Variants in WDR64 observed in about 807,000 individuals in gnomAD.
WDR64 encodes the protein WD repeat domain 64.
Under a neutral mutation model 139.3 loss-of-function variants are expected in WDR64, and 112 were observed. The ratio of observed to expected loss-of-function variants is 0.80; its 90% CI spans 0.69 to 0.94. The LOEUF is 0.94. WDR64 is among the 40% of genes least tolerant of loss of function. The pLI is 0.00. For synonymous variants in WDR64, 444 were observed against 437.7 expected (o/e 1.01, Z -0.18); for missense variants, 1,206 against 1,293.1 (o/e 0.93, Z 1.03).
intron 15 of WDR64, among the ~76,000 whole-genome samples, chr1:241,763,798 T>A (rs1447113790): frequency 6.6e-6 from 1 of 152,194 alleles, no homozygotes; most frequent in Non-Finnish European, 1.5e-5. Context: ...CACTTTTTAT[T>A]GAATACCTGC....
rs757312182 is a variant in WDR64, at chr1:241,796,360, A to G, written c.3182A>G (p.Gln1061Arg). Residue 1061 changes from glutamine (Q) to arginine (R), a missense_variant, in exon 27 of 28, where the codon CAA (glutamine) becomes CGA (arginine). By Grantham distance (43) the Gln-to-Arg change is conservative. Coordinates refer to ENST00000437684, the MANE Select transcript of WDR64 (RefSeq NM_001367482.1). ...ITGKKKGGHVQREKAPRRRSL... is the reference protein window; with the variant it reads ...ITGKKKGGHVRREKAPRRRSL... ...GGAAAGAAGAAGGGAGGTCATGTTC[A>G]ACGTGAAAAAGTAAGTTAGTACTAA... The G allele has an allele frequency of 1.6e-5, 25 of 1,611,484 alleles. No individual in the cohort carries two copies. The highest frequency in any genetic ancestry group is 2.1e-5 in the Non-Finnish European group (25 of 1,178,280).
intron 27 of WDR64, among the ~76,000 whole-genome samples, chr1:241,799,847 T>C (rs1005261792): frequency 6.6e-6 from 1 of 152,148 alleles, no homozygotes; most frequent in African/African-American, 2.4e-5. Flanking sequence ...ACTGATGTAA[T>C]TTTTTTCATA....
chr1:241,751,826 A>G (rs1444414238), intron 14 of WDR64, among the ~76,000 whole-genome samples: 2 of 152,188 alleles, frequency 1.3e-5, no homozygotes, highest in Non-Finnish European at 2.9e-5. Context: ...TTCATAGAAA[A>G]CAAGAGAAGA....
At chr1:241,705,261 G>A (rs1227400717) in intron 8 of WDR64, among the ~76,000 whole-genome samples, 1 of 152,086 alleles carries the variant, frequency 6.6e-6, no homozygotes, top group African/African-American at 2.4e-5. Flanking sequence ...CAAGGTCTTG[G>A]CCGGGCGGGG....
At chr1:241,777,216 G>C (rs937738547) in intron 21 of WDR64, among the ~76,000 whole-genome samples, 3 of 151,268 alleles carry the variant, frequency 2.0e-5, no homozygotes, top group African/African-American at 4.9e-5. Flanking sequence ...TCAGCCTCCT[G>C]AGTAGCTAAG....
chr1:241,672,193 C>T (rs1666259476), intron 3 of WDR64, among the ~76,000 whole-genome samples: 1 of 152,042 alleles, frequency 6.6e-6, no homozygotes, highest in Non-Finnish European at 1.5e-5. Context: ...AAACAAAGCA[C>T]CTGGAAGGCT....
At chr1:241,770,468 C>A in intron 17 of WDR64, 153 bp from the exon 18 acceptor site, 1 of 588,172 alleles carries the variant, frequency 1.7e-6, no homozygotes, top group South Asian at 2.7e-5. Context: ...ATTTATTACA[C>A]AGAATATAAG....
intron 3 of WDR64, among the ~76,000 whole-genome samples, chr1:241,673,026 T>G (rs1014330416): frequency 1.3e-5 from 2 of 152,174 alleles, no homozygotes; most frequent in East Asian, 3.8e-4. Flanking sequence ...TACTAGTTCA[T>G]GTCCTTTGTA....
Position 241,796,364 on chromosome 1 carries a change from T to TG in WDR64, c.3187dup (p.Glu1063GlyfsTer80). ...AGAAGAAGGGAGGTCATGTTCAACG[T>TG]GAAAAAGTAAGTTAGTACTAATTCC... On this transcript the variant is annotated frameshift_variant, in exon 27 of 28. Coordinates refer to ENST00000437684, the MANE Select transcript of WDR64 (RefSeq NM_001367482.1). LOFTEE classifies it high-confidence loss of function. 1.2e-6 allele frequency: 2 copies of TG among 1,609,926 alleles called. No homozygotes were observed. The highest frequency in any genetic ancestry group is 1.7e-5 in the Admixed American group (1 of 59,878).
rs116400417 is a variant in WDR64 at position 241,773,440 on chromosome 1, T to C, written c.2430+509T>C. On this transcript the variant is annotated intron_variant, in intron 20 of 27. Coordinates refer to ENST00000437684, the MANE Select transcript of WDR64 (RefSeq NM_001367482.1). ...ATCTATTGAGCCTGCTTATAATTCT[T>C]TTATTTGGGGAGAGGAGGGCATTAG... is the stretch of plus-strand genomic sequence containing the variant. 6.7e-3 allele frequency among the ~76,000 whole-genome samples: 1,014 copies of C among 152,252 alleles called. 12 individuals are homozygous for C. The highest frequency in any genetic ancestry group is 0.023 in the African/African-American group (969 of 41,548).
At chr1:241,766,488 G>A (rs538614195) in intron 16 of WDR64, 137 bp downstream of exon 16, 2 of 968,280 alleles carry the variant, frequency 2.1e-6, no homozygotes, top group East Asian at 2.7e-5. Context: ...ATCACTTAAG[G>A]CCAGGAGTTC....
intron 23 of WDR64, among the ~76,000 whole-genome samples, chr1:241,786,575 T>C (rs754219772): frequency 2.6e-5 from 4 of 152,130 alleles, no homozygotes; most frequent in Non-Finnish European, 5.9e-5. Context: ...CAGAACTCAG[T>C]TGTAAAAATT....
intron 2 of WDR64, among the ~76,000 whole-genome samples, chr1:241,666,374 T>A (rs1331131661): frequency 6.6e-6 from 1 of 152,218 alleles, no homozygotes; most frequent in East Asian, 1.9e-4. Flanking sequence ...TTATCTGGTA[T>A]AATACCCAAA....
At chr1:241,712,979 A>G (rs185654070) in intron 9 of WDR64, among the ~76,000 whole-genome samples, 2 of 151,956 alleles carry the variant, frequency 1.3e-5, no homozygotes, top group East Asian at 1.9e-4. Flanking sequence ...AAAGTCCTCA[A>G]TACAAATTTG....
chr1:241,794,483 C>CCACA, intron 25 of WDR64, among the ~76,000 whole-genome samples: 1 of 150,424 alleles, frequency 6.6e-6, no homozygotes, highest in East Asian at 1.9e-4. Flanking sequence ...ATTGAATGCC[C>CCACA]CACATATTTT....
At chr1:241,711,693 A>T (rs752647055) in intron 8 of WDR64, 109 bp from the exon 9 acceptor site, 296 of 1,135,492 alleles carry the variant, frequency 2.6e-4, no homozygotes, top group Non-Finnish European at 3.7e-4. Context: ...GGGCAAATGG[A>T]TTTACAACCA....
Position 241,749,624 on chromosome 1 carries a change from G to A in WDR64, c.1672G>A (p.Glu558Lys), listed in dbSNP as rs1669903743. Residue 558 changes from glutamate to lysine, a missense_variant, in exon 14 of 28, where the codon GAG becomes AAG. Physicochemically the swap from Glu to Lys is moderately conservative, Grantham distance 56. Coordinates refer to ENST00000437684, the MANE Select transcript of WDR64 (RefSeq NM_001367482.1). The part of the protein sequence containing the change: ...LPEGKDWKED[E>K]HCLRRLIFLK... Reference sequence around the variant, plus strand: ...GGAGGGGAAAGACTGGAAGGAGGACGAGCACTGCCTACGACGCCTCATTTT... The same window carrying A: ...GGAGGGGAAAGACTGGAAGGAGGACAAGCACTGCCTACGACGCCTCATTTT... 2.5e-6 allele frequency: 4 copies of A among 1,613,996 alleles called. No homozygotes were observed. Among genetic ancestry groups the A allele is most frequent in the Non-Finnish European group, 2.5e-6 (3 of 1,180,032 alleles).
intron 8 of WDR64, among the ~76,000 whole-genome samples, chr1:241,690,828 A>G (rs1667192040): frequency 6.6e-6 from 1 of 152,172 alleles, no homozygotes; most frequent in Non-Finnish European, 1.5e-5. Flanking sequence ...AGAAAAAGTA[A>G]AGGTAAAATA....
At chr1:241,673,208 A>T (rs965690091) in intron 3 of WDR64, among the ~76,000 whole-genome samples, 3 of 151,764 alleles carry the variant, frequency 2.0e-5, no homozygotes, top group African/African-American at 2.4e-5. Flanking sequence ...GAGGGATAGC[A>T]TTAGGAGATA....
Sources: gnomAD v4.1 joint callset for allele counts (sites outside exome capture counted in the v4.1 genomes callset) on GRCh38, gnomAD v4.1.1 for gene constraint, MANE v1.5 for transcripts, NCBI Gene and HGNC (gene_info 2026-07-23, HGNC 2026-07-21) for gene names.